The following EPHA10 variants were observed in gnomAD, a reference collection of about 807,000 sequenced individuals.
EPHA10 encodes the protein ephrin type-A receptor 10.
EPHA10 carries 120 observed loss-of-function variants against 109.7 expected under a neutral mutation model. The observed-to-expected ratio is 1.09, with a 90% confidence interval of 0.94 to 1.27. EPHA10 has a LOEUF of 1.27. EPHA10 is among the 50% of genes most tolerant of loss of function. The pLI is 0.00. For missense variants in EPHA10, 1,396 were observed against 1,411.1 expected, an observed-to-expected ratio of 0.99 and a Z score of 0.17; for synonymous variants, 640 against 618.9, an observed-to-expected ratio of 1.03 and a Z score of -0.51.
At chr1:37,739,859 C>G (rs1288469466) in intron 5 of EPHA10, among the ~76,000 whole-genome samples, 1 of 151,634 alleles carries the variant, frequency 6.6e-6, no homozygotes, top group Non-Finnish European at 1.5e-5. Flanking sequence ...TTGGGAGGGC[C>G]AGGGTGGGAG....
At chr1:37,744,028 C>T (rs769442396) in intron 5 of EPHA10, among the ~76,000 whole-genome samples, 3 of 151,968 alleles carry the variant, frequency 2.0e-5, no homozygotes, top group East Asian at 1.9e-4. Context: ...CAATCAGCAA[C>T]GTAAAGACAA....
intron 7 of EPHA10, among the ~76,000 whole-genome samples, chr1:37,728,639 G>A (rs929534322): frequency 6.6e-6 from 1 of 152,126 alleles, no homozygotes; most frequent in Non-Finnish European, 1.5e-5. Flanking sequence ...ATCTGCAGGG[G>A]CTGGATAGAG....
At position 37,753,235 on chromosome 1, in the gene EPHA10, G is replaced by T; in HGVS notation, c.1007-9C>A. On this transcript the variant is annotated splice_polypyrimidine_tract_variant and intron_variant, in intron 4 of 16. Transcript: ENST00000373048. The stretch of plus-strand genomic sequence containing the variant: ...CGGCGCCGACGGCGGCCCTGAGGCG[G>T]CACAGGGGCGGGGCGGTCAGGGCGG... 8.4e-7 allele frequency: 1 copy of T among 1,192,440 alleles called. No homozygotes were observed. Among genetic ancestry groups the T allele is most frequent in the Non-Finnish European group, 1.0e-6 (1 of 962,048 alleles). 73.9% of individuals were successfully genotyped at this position (1,192,440 alleles called of 1,614,324 possible).
At chr1:37,718,543 T>A in intron 16 of EPHA10, 57 bp from the exon 17 acceptor site, 1 of 1,610,968 alleles carries the variant, frequency 6.2e-7, no homozygotes, top group South Asian at 1.1e-5. Context: ...GCTCCTCCCA[T>A]GAAGGCCCTC....
At chr1:37,755,648 C>T (rs1313365533) in intron 3 of EPHA10, among the ~76,000 whole-genome samples, 1 of 152,174 alleles carries the variant, frequency 6.6e-6, no homozygotes, top group Non-Finnish European at 1.5e-5. Flanking sequence ...GTGTTGAATA[C>T]CTACCTCAAA....
downstream of EPHA10, chr1:37,715,779 C>A: frequency 2.3e-6 from 1 of 427,556 alleles, no homozygotes; most frequent in East Asian, 4.9e-5. Context: ...ACCCAGTTCC[C>A]CTCGGTACCC....
rs1242035696 is a variant in EPHA10 at position 37,762,791 on chromosome 1, A to C, written c.165T>G (p.Ser55Arg). ...GGGACACTTGTGCACTTACCCCATTACTTGGCAGTGCAGTCCAGCCCAGCT... is the reference window on the plus strand; with the variant it reads ...GGGACACTTGTGCACTTACCCCATTCCTTGGCAGTGCAGTCCAGCCCAGCT... ...QAELGWTALP[S>R]NGWEEISGVD... The change falls in exon 2 of 17, where the codon AGT becomes AGG. Residue 55 changes from serine to arginine, a missense_variant. By Grantham distance (110) the Ser-to-Arg change is moderately radical. Transcript: ENST00000373048. 1.9e-6 allele frequency: 3 copies of C among 1,552,706 alleles called. No homozygotes were observed. The highest frequency in any genetic ancestry group is 3.9e-5 in the Admixed American group (2 of 51,186).
At chr1:37,724,647 G>T (rs1394308880) in intron 8 of EPHA10, among the ~76,000 whole-genome samples, 1 of 152,180 alleles carries the variant, frequency 6.6e-6, no homozygotes, top group Non-Finnish European at 1.5e-5. Context: ...AAGGTACAAG[G>T]ATGAGAGACC....
At chr1:37,755,807 G>C (rs2148367897) in intron 3 of EPHA10, among the ~76,000 whole-genome samples, 1 of 152,182 alleles carries the variant, frequency 6.6e-6, no homozygotes, top group East Asian at 1.9e-4. Flanking sequence ...TTTCTCACCA[G>C]CTGGGCCAGT....
chr1:37,729,555 G>T (rs534693985), intron 7 of EPHA10, among the ~76,000 whole-genome samples: 1 of 151,424 alleles, frequency 6.6e-6, no homozygotes, highest in African/African-American at 2.4e-5. Context: ...AGATTCCATC[G>T]CTCTTTTTAA....
chr1:37,762,452 T>G (rs115052934), intron 2 of EPHA10, among the ~76,000 whole-genome samples: 2,947 of 152,306 alleles, frequency 0.019, 53 homozygotes, highest in Middle Eastern at 0.031. Context: ...CTCCCAGTCT[T>G]GCTTGCTGTG....
intron 5 of EPHA10, 71 bp from the exon 6 acceptor site, chr1:37,735,461 G>A (rs1160723059): frequency 2.0e-5 from 30 of 1,513,270 alleles, no homozygotes; most frequent in Non-Finnish European, 2.5e-5. Flanking sequence ...CGGGGAAGAG[G>A]GTGCGGCGTG....
rs1569774633 is a variant in EPHA10, at chr1:37,762,144, G to A, written c.172-61C>T. ...CCAAAGTGCTTCCAGGAGGTGGAGC[G>A]CTAGCAGTGACTCCTGCTTTCTCTC... On this transcript the variant is annotated intron_variant, in intron 2 of 16. Transcript: ENST00000373048. 5 of 1,467,664 alleles carry A rather than the reference G, an allele frequency of 3.4e-6. No homozygotes were observed. The Admixed American group carries it at 6.6e-5, about 19-fold the overall frequency. 90.9% of individuals were successfully genotyped at this position (1,467,664 alleles called of 1,614,324 possible). A position where few individuals can be genotyped will look rare whatever the true frequency, so the allele number is the denominator to read the frequency against.
rs1025143958 is a variant in EPHA10, at chr1:37,764,288, G to A, written c.106+673C>T. On this transcript the variant is annotated intron_variant, in intron 1 of 16. Coordinates refer to ENST00000373048, the MANE Select transcript of EPHA10 (RefSeq NM_001099439.2). The surrounding 1 kb of genome is among the most constrained non-coding windows in gnomAD (Gnocchi z 5.8). ...GGCCCAGACCAACCCCGCGGTCAACGCCTCAGATTCCAGCTCCTCCGGATT... is the reference window on the plus strand; with the variant it reads ...GGCCCAGACCAACCCCGCGGTCAACACCTCAGATTCCAGCTCCTCCGGATT... 2.0e-5 allele frequency among the ~76,000 whole-genome samples: 3 copies of A among 152,108 alleles called. No individual in the cohort carries two copies. The highest frequency in any genetic ancestry group is 4.4e-5 in the Non-Finnish European group (3 of 68,018).
chr1:37,728,750 C>T (rs993775403), intron 7 of EPHA10, among the ~76,000 whole-genome samples: 9 of 151,920 alleles, frequency 5.9e-5, no homozygotes, highest in South Asian at 2.1e-4. Flanking sequence ...GAACAGAAGA[C>T]GAGAGTTAGA....
At chr1:37,723,655 C>T (rs1228032775) in intron 8 of EPHA10, among the ~76,000 whole-genome samples, 3 of 152,244 alleles carry the variant, frequency 2.0e-5, no homozygotes, top group African/African-American at 7.2e-5. Flanking sequence ...CAATCCACAT[C>T]CTGGCTGCAG....
At position 37,762,027 on chromosome 1, in the gene EPHA10, C is replaced by T. The variant is rs1259679934; in HGVS notation, c.228G>A (p.Val76=). Residue 76 remains valine, a synonymous_variant, in exon 3 of 17, where the codon GTG becomes GTA. Transcript: ENST00000373048. ...EHDRPIRTYQ[V]CNVLEPNQDN... is the part of the protein sequence containing the mutation. The stretch of plus-strand genomic sequence containing the variant: ...CCTGGTTGGGCTCCAGCACATTGCA[C>T]ACTTGGTACGTGCGGATGGGACGGT... 2 of 1,613,354 alleles carry T rather than the reference C, an allele frequency of 1.2e-6. No homozygotes were observed. Among genetic ancestry groups the T allele is most frequent in the Admixed American group, 3.3e-5 (2 of 59,946 alleles).
chr1:37,720,606 TTG>T, intron 12 of EPHA10, 52 bp from the exon 13 acceptor site: 3 of 1,572,188 alleles, frequency 1.9e-6, no homozygotes, highest in Non-Finnish European at 2.6e-6. Flanking sequence ...TCCCCTGGTG[TTG>T]TGTGACACCA....
chr1:37,753,023 C>G lies in EPHA10; in HGVS notation c.1210G>C (p.Gly404Arg). Residue 404 changes from glycine to arginine, a missense_variant, in exon 5 of 17, where the codon GGG becomes CGG. By Grantham distance (125) the Gly-to-Arg change is moderately radical. Transcript: ENST00000373048. ...AGCGTGGCGGCTCGCTCCCGCAGCC[C>G]TGCCTGGCGCGGTAGGAAGGCCACG... ...PRVAFLPRQA[G>R]LRERAATLLH... 8.1e-7 allele frequency: 1 copy of G among 1,231,226 alleles called. No individual in the cohort carries two copies. The highest frequency in any genetic ancestry group is 1.0e-6 in the Non-Finnish European group (1 of 988,750). The allele number at this position is 1,231,226 out of a possible 1,614,324, so 76.3% of individuals were successfully genotyped here. A position where few individuals can be genotyped will look rare whatever the true frequency, so the allele number is the denominator to read the frequency against.
Sources: allele counts gnomAD v4.1 joint callset (sites outside exome capture counted in the v4.1 genomes callset), GRCh38; gene constraint gnomAD v4.1.1; non-coding constraint Gnocchi (gnomAD v3.1); transcripts MANE v1.5; gene names NCBI Gene and HGNC (gene_info 2026-07-23, HGNC 2026-07-21).